Variants in DRP2 observed in about 807,000 individuals in gnomAD.
The protein encoded by DRP2 is dystrophin related protein 2.
Under a neutral mutation model 78.2 loss-of-function variants are expected in DRP2, and 29 were observed. The ratio of observed to expected loss-of-function variants is 0.37; its 90% CI spans 0.28 to 0.51. The LOEUF is 0.51. Among genes scored for constraint, DRP2 ranks in the 20% least tolerant of loss-of-function variants. DRP2 has a pLI of 0.94. For synonymous variants in DRP2, 290 were observed against 281.9 expected (o/e 1.03, Z -0.29); for missense variants, 686 against 770.6 (o/e 0.89, Z 1.30).
At chrX:101,250,188 C>G (rs1228314386) in intron 14 of DRP2, among the ~76,000 whole-genome samples, 2 of 111,238 alleles carry the variant, frequency 1.8e-5, no homozygotes, top group African/African-American at 6.5e-5. Context: ...CTGTCTCCCC[C>G]TCCCCCTGAT....
chrX:101,241,801 G>A lies in DRP2; in HGVS notation c.693G>A (p.Glu231=), dbSNP rs1267751392. 8.3e-7 allele frequency: 1 copy of A among 1,211,322 alleles called. No homozygotes were observed. The stretch of plus-strand genomic sequence containing the variant: ...ACCGTCACATTGAGCGGACTCTGGA[G>A]CAGCTCTTGGAGATTCAAGGGGCAA... ...DQHRHIERTL[E]QLLEIQGAME... is the part of the protein sequence containing the mutation. The change falls in exon 7 of 24, where the codon GAG becomes GAA. Residue 231 remains glutamate, a synonymous_variant. Transcript: ENST00000395209.
At position 101,245,384 on chromosome X, in the gene DRP2, G is replaced by T; in HGVS notation, c.1116-4G>T. 1 of 1,201,244 alleles carries T rather than the reference G, an allele frequency of 8.3e-7. No individual in the cohort carries two copies. Among genetic ancestry groups the T allele is most frequent in the Non-Finnish European group, 1.1e-6 (1 of 889,612 alleles). ...GCTGGTACTATTGATGCTATTGTTT[G>T]TAGCCACCAGGCTCAGACCACATGC... On this transcript the variant is annotated splice_region_variant and splice_polypyrimidine_tract_variant and intron_variant, in intron 10 of 23. Coordinates refer to ENST00000395209, the MANE Select transcript of DRP2 (RefSeq NM_001939.3).
intron 2 of DRP2, among the ~76,000 whole-genome samples, chrX:101,230,495 C>T (rs991636812): frequency 1.3e-4 from 14 of 110,886 alleles, no homozygotes; most frequent in African/African-American, 4.3e-4. Flanking sequence ...CACTGCACTC[C>T]GGCCTGGGCA....
intron 2 of DRP2, among the ~76,000 whole-genome samples, chrX:101,230,441 G>A (rs1027468748): frequency 6.3e-5 from 7 of 111,320 alleles, no homozygotes; most frequent in Non-Finnish European, 1.3e-4. Context: ...CAGGAGAATC[G>A]CTTGAACCTG....
intron 2 of DRP2, among the ~76,000 whole-genome samples, chrX:101,225,453 A>G (rs1922086999): frequency 9.0e-6 from 1 of 111,672 alleles, no homozygotes; most frequent in African/African-American, 3.3e-5. Flanking sequence ...TATTCACAAT[A>G]TGACTCTGAA....
intron 18 of DRP2, 78 bp downstream of exon 18, chrX:101,254,639 G>C (rs930905516): frequency 8.5e-7 from 1 of 1,176,011 alleles, no homozygotes. Context: ...GCTGAGTCCC[G>C]AGTGGGCTAG....
intron 9 of DRP2, among the ~76,000 whole-genome samples, chrX:101,243,421 A>G (rs1488128939): frequency 4.8e-5 from 5 of 103,961 alleles, no homozygotes; most frequent in African/African-American, 7.3e-5. Flanking sequence ...AAAAAACACA[A>G]TCTCTCAAAT....
intron 14 of DRP2, among the ~76,000 whole-genome samples, chrX:101,248,822 G>A (rs1466080983): frequency 8.9e-6 from 1 of 112,190 alleles, no homozygotes; most frequent in Non-Finnish European, 1.9e-5. Flanking sequence ...TCACTCCAAC[G>A]GGCTTCATTC....
At chrX:101,253,321 T>C (rs911780834) in intron 17 of DRP2, among the ~76,000 whole-genome samples, 1 of 110,051 alleles carries the variant, frequency 9.1e-6, no homozygotes, top group Non-Finnish European at 1.9e-5. Context: ...ATCCCTGAAC[T>C]CCAGCCACAG....
intron 12 of DRP2, among the ~76,000 whole-genome samples, chrX:101,247,682 A>G (rs2147345739): frequency 8.9e-6 from 1 of 112,084 alleles, no homozygotes; most frequent in East Asian, 2.8e-4. Context: ...TTCCCCAACC[A>G]TACCTGAGCC....
intron 21 of DRP2, among the ~76,000 whole-genome samples, chrX:101,257,415 A>C (rs12556141): frequency 0.33 from 30,973 of 92,885 alleles, 4,815 homozygotes; most frequent in Middle Eastern, 0.4. Context: ...GTTTGTGACC[A>C]GTCCAAGGCA....
intron 16 of DRP2, 161 bp downstream of exon 16, chrX:101,251,244 T>A: frequency 2.0e-6 from 1 of 502,875 alleles, no homozygotes; most frequent in Non-Finnish European, 3.0e-6. Flanking sequence ...GCAGAATGTT[T>A]AATTGTTTTT....
chrX:101,231,838 C>A, intron 3 of DRP2, 74 bp downstream of exon 3: 2 of 934,278 alleles, frequency 2.1e-6, no homozygotes, highest in South Asian at 2.2e-5. Context: ...GGGGTACCCA[C>A]GCTTCCTAAG....
Position 101,241,780 on chromosome X carries a change from T to C in DRP2, c.672T>C (p.Arg224=), listed in dbSNP as rs768164134. 1 of 1,209,685 alleles carries C rather than the reference T, an allele frequency of 8.3e-7. No homozygotes were observed. Among genetic ancestry groups the C allele is most frequent in the Non-Finnish European group, 1.1e-6 (1 of 895,254 alleles). ...CAGCCCGCTGTGTGGACCAGCACCGTCACATTGAGCGGACTCTGGAGCAGC... is the reference window on the plus strand; with the variant it reads ...CAGCCCGCTGTGTGGACCAGCACCGCCACATTGAGCGGACTCTGGAGCAGC... The part of the protein sequence containing the change: ...KLTARCVDQH[R]HIERTLEQLL... The change falls in exon 7 of 24, where the codon CGT becomes CGC. Residue 224 remains arginine, a synonymous_variant. Transcript: ENST00000395209.
At chrX:101,228,149 C>A (rs1387886586) in intron 2 of DRP2, among the ~76,000 whole-genome samples, 5 of 112,099 alleles carry the variant, frequency 4.5e-5, no homozygotes, top group Non-Finnish European at 9.4e-5. Flanking sequence ...ATAACTTTTT[C>A]TAGGGCAATT....
rs150828894 is a variant in DRP2, at chrX:101,235,402, C to T, written c.118-458C>T. Among the ~76,000 whole-genome samples the T allele has an allele frequency of 8.9e-5, 10 of 112,483 alleles. No individual in the cohort carries two copies. The East Asian group carries it at 2.8e-3, about 32-fold the overall frequency. ...TATAAATCTTTATGGAGAAACTCCTCAGCTTGCTTTTCTAGAAGGTTGGGT... is the reference window on the plus strand; with the variant it reads ...TATAAATCTTTATGGAGAAACTCCTTAGCTTGCTTTTCTAGAAGGTTGGGT... On this transcript the variant is annotated intron_variant, in intron 3 of 23. Coordinates refer to ENST00000395209, the MANE Select transcript of DRP2 (RefSeq NM_001939.3).
chrX:101,238,911 A>G lies in DRP2; in HGVS notation c.439-70A>G, dbSNP rs1018627839. 163 of 1,146,495 alleles carry G rather than the reference A, an allele frequency of 1.4e-4. 1 individual carries two copies. The highest frequency in any genetic ancestry group is 1.9e-4 in the Non-Finnish European group (159 of 851,697). 94.5% of individuals were successfully genotyped at this position (1,146,495 alleles called of 1,213,427 possible). A position where few individuals can be genotyped will look rare whatever the true frequency, so the allele number is the denominator to read the frequency against. Reference sequence around the variant, plus strand: ...ACACTGAGAAGAAGAAAGGTTGTCAATTGCAGGATGGAATGTAAAGTGATT... The same window carrying G: ...ACACTGAGAAGAAGAAAGGTTGTCAGTTGCAGGATGGAATGTAAAGTGATT... On this transcript the variant is annotated intron_variant, in intron 5 of 23. Transcript: ENST00000395209.
chrX:101,236,713 G>A (rs143126599), intron 4 of DRP2, among the ~76,000 whole-genome samples: 1,453 of 112,278 alleles, frequency 0.013, 29 homozygotes, highest in African/African-American at 0.045. Context: ...TGCAGGCTTT[G>A]GAGTCAGGTA....
intron 22 of DRP2, among the ~76,000 whole-genome samples, chrX:101,259,202 A>G (rs142251685): frequency 1.8e-5 from 2 of 112,020 alleles, no homozygotes; most frequent in African/African-American, 6.5e-5. Flanking sequence ...AAAAGGAGAT[A>G]ATGCATTTAT....
Sources: allele counts gnomAD v4.1 joint callset (sites outside exome capture counted in the v4.1 genomes callset), GRCh38; gene constraint gnomAD v4.1.1; transcripts MANE v1.5; gene names NCBI Gene and HGNC (gene_info 2026-07-23, HGNC 2026-07-21).